TMBIM6: variants seen among roughly 807,000 people sequenced by gnomAD.
The protein encoded by TMBIM6 is transmembrane BAX inhibitor motif containing 6.
In TMBIM6, 13 loss-of-function variants were observed where a neutral mutation model predicts 31.4. That is an observed-to-expected ratio of 0.41 (90% CI 0.27 to 0.66). The LOEUF (loss-of-function observed/expected upper bound fraction) is 0.66. TMBIM6 is among the 30% of genes least tolerant of loss of function. TMBIM6 has a pLI of 0.28. For missense variants in TMBIM6, 275 were observed against 289.5 expected (o/e 0.95, Z 0.36); for synonymous variants, 85 against 101.7 (o/e 0.84, Z 0.99).
intron 4 of TMBIM6, among the ~76,000 whole-genome samples, chr12:49,756,375 C>T (rs1191936483): frequency 2.0e-5 from 3 of 150,710 alleles, no homozygotes; most frequent in Admixed American, 2.0e-4. Context: ...ACCTAGTGAT[C>T]CACCCACCTT....
At chr12:49,742,425 T>C (rs1945314272) in intron 1 of TMBIM6, 1 of 1,170,374 alleles carries the variant, frequency 8.5e-7, no homozygotes, top group Admixed American at 3.4e-5. Context: ...CTTTGTATAT[T>C]TACTGAGTGT....
intron 1 of TMBIM6, among the ~76,000 whole-genome samples, chr12:49,748,005 G>T (rs1017418181): frequency 6.6e-6 from 1 of 152,150 alleles, no homozygotes; most frequent in African/African-American, 2.4e-5. Context: ...CCTGGCTCAA[G>T]CGATTCTCCT....
At chr12:49,744,621 T>C (rs1945357039) in intron 1 of TMBIM6, 1 of 152,194 alleles carries the variant, frequency 6.6e-6, no homozygotes, top group Non-Finnish European at 1.5e-5. Context: ...GGTCTAAATT[T>C]GCTCTAGAGA....
intron 1 of TMBIM6, among the ~76,000 whole-genome samples, chr12:49,742,983 CTTT>C (rs62678761): frequency 7.6e-5 from 6 of 79,036 alleles, no homozygotes; most frequent in African/African-American, 1.8e-4. Flanking sequence ...CCTTCCTCCT[CTTT>C]TTTTTTTTTT....
At chr12:49,752,880 AT>A in intron 2 of TMBIM6, 92 bp from the exon 3 acceptor site, 1 of 1,174,288 alleles carries the variant, frequency 8.5e-7, no homozygotes, top group Admixed American at 2.3e-5. Flanking sequence ...ACTTTTACAT[AT>A]TCCCAGGAAG....
At chr12:49,750,789 G>C (rs1365140863) in intron 1 of TMBIM6, 1 of 152,258 alleles carries the variant, frequency 6.6e-6, no homozygotes, top group African/African-American at 2.4e-5. Context: ...TTGTGGGAGA[G>C]AGCCTCAGGA....
At chr12:49,758,786 C>G (rs1201531954) in intron 7 of TMBIM6, 24 bp downstream of exon 7, 1 of 1,590,380 alleles carries the variant, frequency 6.3e-7, no homozygotes, top group African/African-American at 1.4e-5. Flanking sequence ...TGGAACTTTC[C>G]AGCAGCCATT....
intron 7 of TMBIM6, chr12:49,758,999 G>A (rs976607975): frequency 1.6e-6 from 1 of 625,676 alleles, no homozygotes; most frequent in Non-Finnish European, 2.8e-6. Context: ...GTCTGGCAGT[G>A]GCTGATTGTT....
chr12:49,745,996 A>G (rs538597597), intron 1 of TMBIM6, among the ~76,000 whole-genome samples: 1 of 152,124 alleles, frequency 6.6e-6, no homozygotes, highest in South Asian at 2.1e-4. Flanking sequence ...ATGTAACTTC[A>G]TTGTAAATCG....
intron 1 of TMBIM6, among the ~76,000 whole-genome samples, chr12:49,747,665 T>A (rs1207081867): frequency 6.6e-6 from 1 of 152,242 alleles, no homozygotes; most frequent in East Asian, 1.9e-4. Context: ...ATTGTCTTCA[T>A]AATAAAACAT....
At chr12:49,760,844 CT>C (rs144347008) in intron 8 of TMBIM6, among the ~76,000 whole-genome samples, 85 of 144,100 alleles carry the variant, frequency 5.9e-4, no homozygotes, top group South Asian at 1.1e-3. Flanking sequence ...GCCCAGCTCA[CT>C]TTTTTTTTTT....
intron 1 of TMBIM6, 139 bp downstream of exon 1, chr12:49,741,750 C>G (rs1016023694): frequency 8.6e-6 from 2 of 231,772 alleles, no homozygotes; most frequent in East Asian, 1.4e-4. Flanking sequence ...TGCTCGGAGA[C>G]CAGACTCGGG....
chr12:49,754,528 G>A (rs1228031180), intron 3 of TMBIM6, among the ~76,000 whole-genome samples: 2 of 152,180 alleles, frequency 1.3e-5, no homozygotes, highest in Non-Finnish European at 2.9e-5. Context: ...ATCATTTGAT[G>A]AAAATGTTGT....
chr12:49,755,093 G>A (rs936762602), intron 3 of TMBIM6, among the ~76,000 whole-genome samples: 11 of 152,180 alleles, frequency 7.2e-5, no homozygotes, highest in Admixed American at 3.3e-4. Context: ...GAGTAGCTGG[G>A]ATTACAGGCG....
At chr12:49,760,310 C>T (rs574884607) in intron 8 of TMBIM6, among the ~76,000 whole-genome samples, 1 of 152,114 alleles carries the variant, frequency 6.6e-6, no homozygotes, top group South Asian at 2.1e-4. Context: ...TAGTGTGGTG[C>T]CATGAACACA....
At chr12:49,759,020 A>C in intron 7 of TMBIM6, 1 of 627,700 alleles carries the variant, frequency 1.6e-6, no homozygotes. Context: ...AAAATGATTG[A>C]AACTCTTCCA....
rs1201977646 is a variant in TMBIM6 at position 49,748,052 on chromosome 12, C to T, written c.-30-4412C>T. On this transcript the variant is annotated intron_variant, in intron 1 of 9. Transcript: ENST00000267115. ...CTGAGTAGCTGGGACTATAGGTGCC[C>T]GCCATCACGCCCAGCTAATTTTTGT... 3.9e-5 allele frequency among the ~76,000 whole-genome samples: 6 copies of T among 152,022 alleles called. No homozygotes were observed. In the South Asian group the frequency reaches 1.2e-3, roughly 32 times the overall value.
chr12:49,760,556 T>TTG (rs71080199), intron 8 of TMBIM6, among the ~76,000 whole-genome samples: 4 of 126,664 alleles, frequency 3.2e-5, no homozygotes, highest in Non-Finnish European at 6.3e-5. Context: ...TTTTTTTTTT[T>TTG]GAGACAGTTT....
chr12:49,762,648 T>C (rs1592735197), intron 9 of TMBIM6, among the ~76,000 whole-genome samples: 1 of 151,774 alleles, frequency 6.6e-6, no homozygotes, highest in African/African-American at 2.4e-5. Flanking sequence ...GGGGTGGGGG[T>C]GGGGACAGCT....
Sources: gnomAD v4.1 joint callset for allele counts (sites outside exome capture counted in the v4.1 genomes callset) on GRCh38, gnomAD v4.1.1 for gene constraint, MANE v1.5 for transcripts, NCBI Gene and HGNC (gene_info 2026-07-23, HGNC 2026-07-21) for gene names.